PDZD2: variants seen among roughly 807,000 people sequenced by gnomAD.
The protein encoded by PDZD2 is PDZ domain containing 2, also known as PDZ domain-containing protein 2.
Under a neutral mutation model 220.7 loss-of-function variants are expected in PDZD2, and 90 were observed. That is an observed-to-expected ratio of 0.41 (90% confidence interval 0.34 to 0.49). PDZD2 has a LOEUF of 0.49. Among genes scored for constraint, PDZD2 ranks in the 20% least tolerant of loss-of-function variants. PDZD2 has a pLI of 0.28. For synonymous variants in PDZD2, 1,375 were observed against 1,450.5 expected (o/e 0.95, Z 1.18); for missense variants, 3,174 against 3,608.5 (o/e 0.88, Z 3.08).
chr5:31,705,124 G>A (rs1747760959), intron 1 of PDZD2, among the ~76,000 whole-genome samples: 2 of 151,914 alleles, frequency 1.3e-5, no homozygotes, highest in African/African-American at 2.4e-5. Context: ...CTGTGCCACT[G>A]CAATCCAGCC....
At chr5:31,652,795 G>C (rs1365616562) in intron 1 of PDZD2, among the ~76,000 whole-genome samples, 1 of 152,160 alleles carries the variant, frequency 6.6e-6, no homozygotes, top group East Asian at 1.9e-4. Flanking sequence ...CGGATCACTT[G>C]AGGTCAGGAG....
intron 5 of PDZD2, among the ~76,000 whole-genome samples, chr5:32,001,158 GGT>G (rs1369675787): frequency 6.6e-6 from 1 of 152,144 alleles, no homozygotes; most frequent in African/African-American, 2.4e-5. Context: ...ACTGGTCTCT[GGT>G]GCCAAAAAGG....
In PDZD2 at chr5:31,639,667, G is replaced by C. The variant is rs13170713; in HGVS notation, c.-361+230G>C. ...CCGGGGACGGGGAGGGCGCAGCCCA[G>C]GGGAGGGGGCTAGACAGAGCGGGAC... On this transcript the variant is annotated intron_variant, in intron 1 of 24. Transcript: ENST00000438447. The surrounding 1 kb of genome is among the most constrained non-coding windows in gnomAD (Gnocchi z 4.1). Among the ~76,000 whole-genome samples, 1 of 152,206 alleles carries C rather than the reference G, an allele frequency of 6.6e-6. No individual in the cohort carries two copies. Among genetic ancestry groups the C allele is most frequent in the Non-Finnish European group, 1.5e-5 (1 of 68,018 alleles).
chr5:31,686,568 T>G (rs1393166359), intron 1 of PDZD2, among the ~76,000 whole-genome samples: 4 of 152,122 alleles, frequency 2.6e-5, no homozygotes, highest in African/African-American at 9.7e-5. Context: ...GGTTTCGCCA[T>G]GTTGGCCAGG....
In PDZD2 at chr5:31,832,807, C is replaced by T. The variant is rs535390473; in HGVS notation, c.476+33083C>T. Among the ~76,000 whole-genome samples the T allele has an allele frequency of 3.3e-3, 417 of 127,818 alleles. 4 individuals carry two copies. Among genetic ancestry groups the T allele is most frequent in the African/African-American group, 9.4e-3 (374 of 39,648 alleles). 83.9% of individuals were successfully genotyped at this position (127,818 alleles called of 152,430 possible). ...CTCCAGCCTGGGTGACAGAGCGAGA[C>T]TCTGTCTCAAAAAAAATTAAAATGG... On this transcript the variant is annotated intron_variant, in intron 2 of 24. Coordinates refer to ENST00000438447, the MANE Select transcript of PDZD2 (RefSeq NM_178140.4).
Position 31,909,386 on chromosome 5 carries a change from T to G in PDZD2, c.477-73769T>G, listed in dbSNP as rs780882314. On this transcript the variant is annotated intron_variant, in intron 2 of 24. Transcript: ENST00000438447. ...AGTTTGTCTAAAAATAAAATGCATT[T>G]AAACTCAACAAATCTAAGCAAAAGA... 4.4e-4 allele frequency among the ~76,000 whole-genome samples: 67 copies of G among 152,164 alleles called. 3 individuals are homozygous for G.
Position 32,091,171 on chromosome 5 carries a change from G to A in PDZD2, c.7723G>A (p.Val2575Ile). ...QDLPFRRSWS[V>I]NLDQLLVSAG... is the part of the protein sequence containing the mutation. ...TCTGCCTTTTAGAAGAAGCTGGTCA[G>A]TTAAGTAAGTATCTGCCCACTACTT... Residue 2575 changes from valine (V) to isoleucine (I), a missense_variant, in exon 20 of 25, where the codon GTT (valine) becomes ATT (isoleucine). Coordinates refer to ENST00000438447, the MANE Select transcript of PDZD2 (RefSeq NM_178140.4). 1.3e-6 allele frequency: 2 copies of A among 1,546,670 alleles called. No individual in the cohort carries two copies. The highest frequency in any genetic ancestry group is 1.4e-5 in the African/African-American group (1 of 72,792).
At chr5:32,071,577 A>T (rs549804363) in intron 16 of PDZD2, among the ~76,000 whole-genome samples, 159 bp downstream of exon 16, 5 of 152,246 alleles carry the variant, frequency 3.3e-5, no homozygotes, top group Non-Finnish European at 5.9e-5. Flanking sequence ...TTGAGAATAG[A>T]TGCAAAAATG....
At chr5:31,850,009 C>T (rs183620503) in intron 2 of PDZD2, among the ~76,000 whole-genome samples, 1,268 of 29,452 alleles carry the variant, frequency 0.043, 142 homozygotes, top group East Asian at 0.081. Context: ...TATATATATA[C>T]ACACACACGT....
chr5:31,955,427 G>C (rs920503693), intron 2 of PDZD2, among the ~76,000 whole-genome samples: 2 of 151,660 alleles, frequency 1.3e-5, no homozygotes, highest in African/African-American at 4.8e-5. Flanking sequence ...CAGCCTCCTG[G>C]GTAGCTGGGA....
At chr5:31,995,464 A>T in intron 3 of PDZD2, 112 bp from the exon 4 acceptor site, 1 of 1,084,956 alleles carries the variant, frequency 9.2e-7, no homozygotes, top group South Asian at 1.4e-5. Flanking sequence ...ATAATCTGTG[A>T]TATCTGTGGA....
chr5:31,877,438 T>C (rs1561533972), intron 2 of PDZD2, among the ~76,000 whole-genome samples: 1 of 151,932 alleles, frequency 6.6e-6, no homozygotes, highest in Non-Finnish European at 1.5e-5. Flanking sequence ...AGGCTGGACT[T>C]GAACTCCTGA....
intron 2 of PDZD2, among the ~76,000 whole-genome samples, chr5:31,901,415 CA>C (rs11300764): frequency 0.45 from 61,654 of 136,282 alleles, 13,420 homozygotes; most frequent in Non-Finnish European, 0.52. Context: ...GAGACTGTCT[CA>C]AAAAAAAAAA....
At chr5:31,852,630 T>C (rs1758127006) in intron 2 of PDZD2, among the ~76,000 whole-genome samples, 2 of 152,122 alleles carry the variant, frequency 1.3e-5, no homozygotes, top group African/African-American at 4.8e-5. Context: ...GGAGTCTCAC[T>C]CTGTAGCCCA....
At chr5:31,725,309 G>C (rs1381136726) in intron 1 of PDZD2, among the ~76,000 whole-genome samples, 2 of 138,000 alleles carry the variant, frequency 1.4e-5, no homozygotes, top group African/African-American at 5.5e-5. Flanking sequence ...TTGCACTCCA[G>C]CCTGGGGGAC....
At chr5:32,097,404 C>T in intron 22 of PDZD2, 24 bp downstream of exon 22, 4 of 1,438,874 alleles carry the variant, frequency 2.8e-6, no homozygotes, top group Non-Finnish European at 2.9e-6. Context: ...TCATTAGGCT[C>T]TCAGGAAAAT....
chr5:32,047,949 G>T (rs1249066120), intron 7 of PDZD2, among the ~76,000 whole-genome samples: 1 of 152,160 alleles, frequency 6.6e-6, no homozygotes, highest in Non-Finnish European at 1.5e-5. Flanking sequence ...CTGGGATAAT[G>T]GTTACCCTTG....
chr5:31,886,369 C>T (rs528806663), intron 2 of PDZD2, among the ~76,000 whole-genome samples: 4 of 152,274 alleles, frequency 2.6e-5, no homozygotes, highest in East Asian at 3.9e-4. Flanking sequence ...TGTGCCTCCC[C>T]TTGGCCCCTT....
At chr5:31,736,618 T>C (rs889071376) in intron 1 of PDZD2, among the ~76,000 whole-genome samples, 16 of 152,336 alleles carry the variant, frequency 1.1e-4, no homozygotes, top group African/African-American at 3.6e-4. Context: ...CCTTATTTTA[T>C]TGGCGAGGGG....
Sources: gnomAD v4.1 joint callset for allele counts (sites outside exome capture counted in the v4.1 genomes callset) on GRCh38, gnomAD v4.1.1 for gene constraint, Gnocchi (gnomAD v3.1) non-coding constraint, MANE v1.5 for transcripts, NCBI Gene and HGNC (gene_info 2026-07-23, HGNC 2026-07-21) for gene names.